KPTN: variants seen among roughly 807,000 people sequenced by gnomAD.
KPTN encodes the protein kaptin, actin binding protein, also known as KICSTOR complex protein kaptin.
A neutral mutation model predicts 52.6 loss-of-function variants in KPTN; 36 were observed. That is an observed-to-expected ratio of 0.68 (90% CI 0.52 to 0.90). The LOEUF is 0.90. KPTN is among the 40% of genes least tolerant of loss of function. KPTN has a pLI of 0.00. For missense variants in KPTN, 529 were observed against 576.2 expected, an observed-to-expected ratio of 0.92 and a Z score of 0.84; for synonymous variants, 271 against 248.4, an observed-to-expected ratio of 1.09 and a Z score of -0.85.
In KPTN at chr19:47,479,923, A is replaced by C; in HGVS notation, c.727T>G (p.Ser243Ala). Residue 243 changes from serine to alanine, a missense_variant, in exon 8 of 12, where the codon TCG (serine) becomes GCG (alanine). By Grantham distance (99) the Ser-to-Ala change is moderately conservative. Transcript: ENST00000338134. ...QRSREVLQMWSVLQDGPISRV... is the reference protein window; with the variant it reads ...QRSREVLQMWAVLQDGPISRV... ...GAGATGGGACCGTCCTGCAGGACCG[A>C]CCACATCTGCAGAACCTCTGCGTGG... 6.2e-7 allele frequency: 1 copy of C among 1,613,054 alleles called. No homozygotes were observed. The highest frequency in any genetic ancestry group is 8.5e-7 in the Non-Finnish European group (1 of 1,179,698).
upstream of KPTN, among the ~76,000 whole-genome samples, chr19:47,485,171 C>T (rs1405408657): frequency 6.6e-6 from 1 of 152,204 alleles, no homozygotes; most frequent in Non-Finnish European, 1.5e-5. Context: ...CAAGGGCCTA[C>T]TGTTACCCTC....
rs566235319 is a variant in KPTN, at chr19:47,480,743, T to G, written c.599+17A>C. ...AGTGCCCCGGTCCCCAGTGGCCTCT[T>G]TCGGGGCCTCTCCTACCTACTGGTC... is the stretch of plus-strand genomic sequence containing the variant. On this transcript the variant is annotated intron_variant, in intron 6 of 11. Coordinates refer to ENST00000338134, the MANE Select transcript of KPTN (RefSeq NM_007059.4). The G allele has an allele frequency of 2.2e-5, 35 of 1,612,684 alleles. 1 individual carries two copies. The African/African-American group carries it at 2.8e-4, about 13-fold the overall frequency.
rs1568459304 is a variant in KPTN, at chr19:47,484,183, C to T, written c.-23G>A. ...CATGCCCCTCAGTTAAGCACCCTCT[C>T]CGCAGCCCCCGCCCCAACCCGCACT... On this transcript the variant is annotated 5_prime_UTR_variant, in exon 1 of 12. Coordinates refer to ENST00000338134, the MANE Select transcript of KPTN (RefSeq NM_007059.4). 6.3e-7 allele frequency: 1 copy of T among 1,580,138 alleles called. No individual in the cohort carries two copies. Among genetic ancestry groups the T allele is most frequent in the Non-Finnish European group, 8.6e-7 (1 of 1,168,564 alleles).
At chr19:47,483,100 C>T (rs1001612585) in intron 4 of KPTN, 61 bp downstream of exon 4, 3 of 1,495,474 alleles carry the variant, frequency 2.0e-6, no homozygotes, top group East Asian at 2.3e-5. Flanking sequence ...AGAAGGGGTT[C>T]GAGAAGCCAG....
Position 47,483,688 on chromosome 19 carries a change from A to G in KPTN, c.227-104T>C, listed in dbSNP as rs942769498. Reference sequence around the variant, plus strand: ...CGCAATGATCATGCCCTCTGGTCTGAGTCCTGACCACCATCACCTGATCTC... The same window carrying G: ...CGCAATGATCATGCCCTCTGGTCTGGGTCCTGACCACCATCACCTGATCTC... On this transcript the variant is annotated intron_variant, in intron 1 of 11. Transcript: ENST00000338134. 4 of 936,548 alleles carry G rather than the reference A, an allele frequency of 4.3e-6. No homozygotes were observed. In the Admixed American group the frequency reaches 9.5e-5, roughly 22 times the overall value. The allele number at this position is 936,548 out of a possible 1,614,324, so 58.0% of individuals were successfully genotyped here.
rs1004142316 is a variant in KPTN at position 47,475,192 on chromosome 19, T to G, written c.*224A>C. 2.2e-6 allele frequency: 1 copy of G among 448,104 alleles called. No individual in the cohort carries two copies. The highest frequency in any genetic ancestry group is 3.6e-5 in the Admixed American group (1 of 28,160). The allele number at this position is 448,104 out of a possible 1,614,324, so 27.8% of individuals were successfully genotyped here. A position where few individuals can be genotyped will look rare whatever the true frequency, so the allele number is the denominator to read the frequency against. ...TATAAATAACCATCAGGTGGCCAAT[T>G]CTCATCCAGAGTGGACAGGGTGGAA... On this transcript the variant is annotated 3_prime_UTR_variant, in exon 12 of 12. Coordinates refer to ENST00000338134, the MANE Select transcript of KPTN (RefSeq NM_007059.4).
At chr19:47,478,630 T>C (rs1967760981) in intron 8 of KPTN, among the ~76,000 whole-genome samples, 1 of 138,232 alleles carries the variant, frequency 7.2e-6, no homozygotes, top group African/African-American at 2.6e-5. Flanking sequence ...AATTCACAAC[T>C]GCAAAGATGT....
chr19:47,480,595 T>C (rs1362551745), intron 6 of KPTN, 165 bp downstream of exon 6: 7 of 785,716 alleles, frequency 8.9e-6, no homozygotes, highest in Non-Finnish European at 1.5e-5. Context: ...GTCCACCTCT[T>C]GTTTTTTCTG....
At chr19:47,479,215 G>A (rs974188501) in intron 8 of KPTN, among the ~76,000 whole-genome samples, 4 of 152,154 alleles carry the variant, frequency 2.6e-5, no homozygotes, top group African/African-American at 7.2e-5. Flanking sequence ...ACTAATTTTT[G>A]TATTTTTAGT....
chr19:47,478,567 TAAAAAAAAAA>T (rs757744803), intron 8 of KPTN, among the ~76,000 whole-genome samples: 1 of 66,234 alleles, frequency 1.5e-5, no homozygotes, highest in Admixed American at 2.6e-4. Flanking sequence ...AGACTCTGTC[TAAAAAAAAAA>T]AAAAAAAAAA....
At chr19:47,483,452 C>T (rs1967959519) in intron 2 of KPTN, 50 bp downstream of exon 2, 2 of 1,594,676 alleles carry the variant, frequency 1.3e-6, no homozygotes, top group Non-Finnish European at 1.7e-6. Flanking sequence ...GTGGAACTCA[C>T]CATGTGTGTA....
At position 47,483,181 on chromosome 19, in the gene KPTN, C is replaced by G. The variant is rs142513765; in HGVS notation, c.429G>C (p.Pro143=). 1.2e-6 allele frequency: 2 copies of G among 1,613,888 alleles called. No individual in the cohort carries two copies. Among genetic ancestry groups the G allele is most frequent in the African/African-American group, 1.3e-5 (1 of 74,908 alleles). The part of the protein sequence containing the change: ...SCLNLELQFT[P]FQLCHAEVQV... ...CTCACTCCGCATGGCACAGCTGGAA[C>G]GGAGTGAACTGGAGCTCCAGGTTCA... The change falls in exon 4 of 12, where the codon CCG becomes CCC. Residue 143 remains proline (P), a synonymous_variant. Transcript: ENST00000338134.
chr19:47,483,068 G>A (rs1387884184), intron 4 of KPTN, 93 bp downstream of exon 4: 27 of 1,237,788 alleles, frequency 2.2e-5, no homozygotes, highest in Non-Finnish European at 2.6e-5. Flanking sequence ...AGGGGAAACA[G>A]ACTACAGGGG....
Position 47,476,538 on chromosome 19 carries a change from G to C in KPTN, c.1176C>G (p.Ile392Met), listed in dbSNP as rs780487234. The change falls in exon 11 of 12, where the codon ATC becomes ATG. Residue 392 changes from isoleucine (I) to methionine (M), a missense_variant. By Grantham distance (10) the Ile-to-Met change is conservative. Transcript: ENST00000338134. The part of the protein sequence containing the change: ...LAVVSLKGVH[I>M]LQHSLIQASE... ...CCCCAAGAGCTGGGGATACCTGCAGGATGTGCACGCCCTTCAGGGAGACCA... is the reference window on the plus strand; with the variant it reads ...CCCCAAGAGCTGGGGATACCTGCAGCATGTGCACGCCCTTCAGGGAGACCA... 2 of 1,602,926 alleles carry C rather than the reference G, an allele frequency of 1.2e-6. No individual in the cohort carries two copies. The highest frequency in any genetic ancestry group is 1.7e-6 in the Non-Finnish European group (2 of 1,174,424).
At chr19:47,479,025 C>T (rs1967773418) in intron 8 of KPTN, among the ~76,000 whole-genome samples, 1 of 152,110 alleles carries the variant, frequency 6.6e-6, no homozygotes, top group South Asian at 2.1e-4. Context: ...CACTTGTGTC[C>T]CCGAAGTGAT....
upstream of KPTN, among the ~76,000 whole-genome samples, chr19:47,485,785 C>T (rs528216166): frequency 2.0e-5 from 3 of 152,226 alleles, no homozygotes; most frequent in Admixed American, 6.5e-5. Context: ...GTAGAAGTTC[C>T]TGGAGGGCAG....
upstream of KPTN, chr19:47,484,441 A>G (rs1249119965): frequency 1.9e-6 from 1 of 531,170 alleles, no homozygotes; most frequent in African/African-American, 1.9e-5. Context: ...GGTGGTGGCC[A>G]CGGCCTCTCG....
chr19:47,483,442 G>C, intron 2 of KPTN, 60 bp downstream of exon 2: 6 of 1,596,004 alleles, frequency 3.8e-6, no homozygotes, highest in Non-Finnish European at 4.3e-6. Context: ...GGGCGGCTCA[G>C]TGGAACTCAC....
chr19:47,482,619 G>A (rs1967922017), intron 4 of KPTN, among the ~76,000 whole-genome samples: 1 of 152,106 alleles, frequency 6.6e-6, no homozygotes, highest in Non-Finnish European at 1.5e-5. Flanking sequence ...GTGTGCACAT[G>A]TGCTCCCTGT....
Sources: gnomAD v4.1 joint callset for allele counts (sites outside exome capture counted in the v4.1 genomes callset) on GRCh38, gnomAD v4.1.1 for gene constraint, MANE v1.5 for transcripts, NCBI Gene and HGNC (gene_info 2026-07-23, HGNC 2026-07-21) for gene names.